The following TCF12 variants were observed in gnomAD, a reference collection of about 807,000 sequenced individuals.
The protein encoded by TCF12 is transcription factor 12, also known as DNA-binding protein HTF4.
TCF12 carries 45 observed loss-of-function variants against 86.0 expected under a neutral mutation model. The ratio of observed to expected loss-of-function variants is 0.52; its 90% CI spans 0.41 to 0.67. The LOEUF (loss-of-function observed/expected upper bound fraction) is 0.67, where lower values mean the gene tolerates loss of function less well. Among genes scored for constraint, TCF12 ranks in the 30% least tolerant of loss-of-function variants. The pLI is 0.00. For synonymous variants in TCF12, 330 were observed against 299.6 expected (o/e 1.10, Z -1.05); for missense variants, 881 against 859.9 (o/e 1.02, Z -0.31).
intron 3 of TCF12, among the ~76,000 whole-genome samples, chr15:56,987,050 A>G (rs1642940): frequency 0.18 from 27,461 of 152,050 alleles, 3,008 homozygotes; most frequent in Non-Finnish European, 0.24. Flanking sequence ...CAATACTTGA[A>G]TTTTGATATC....
chr15:57,240,601 G>T (rs1213420035), intron 12 of TCF12, among the ~76,000 whole-genome samples: 2 of 152,132 alleles, frequency 1.3e-5, no homozygotes, highest in South Asian at 4.1e-4. Context: ...TATGTTGAGG[G>T]CCGGGTTCAA....
At chr15:56,998,722 C>G (rs553460296) in intron 3 of TCF12, among the ~76,000 whole-genome samples, 1 of 152,224 alleles carries the variant, frequency 6.6e-6, no homozygotes, top group East Asian at 1.9e-4. Context: ...CTTTACCCAA[C>G]AGCAGCAGAA....
intron 13 of TCF12, 24 bp downstream of exon 13, chr15:57,243,574 C>T: frequency 6.4e-7 from 1 of 1,568,876 alleles, no homozygotes; most frequent in Non-Finnish European, 8.8e-7. Context: ...TTATCTACTT[C>T]TAACTGGTGG....
chr15:57,202,597 G>A (rs1303028697), intron 8 of TCF12, among the ~76,000 whole-genome samples: 1 of 151,794 alleles, frequency 6.6e-6, no homozygotes, highest in African/African-American at 2.4e-5. Flanking sequence ...CACCACACCC[G>A]GCTAATTTTT....
intron 13 of TCF12, among the ~76,000 whole-genome samples, chr15:57,243,884 G>T (rs577799630): frequency 1.3e-5 from 2 of 152,116 alleles, no homozygotes; most frequent in African/African-American, 4.8e-5. Flanking sequence ...TTTTTCTAAA[G>T]TTATTTTTTT....
chr15:57,224,684 A>C lies in TCF12; in HGVS notation c.580-6468A>C, dbSNP rs368515444. Reference sequence around the variant, plus strand: ...CATGTCTCTGGAAGTTTTTGGAAAGAGATATTGGTCCTTTTACTTAGGAAA... The same window carrying C: ...CATGTCTCTGGAAGTTTTTGGAAAGCGATATTGGTCCTTTTACTTAGGAAA... On this transcript the variant is annotated intron_variant, in intron 8 of 20. Coordinates refer to ENST00000333725, the MANE Select transcript of TCF12 (RefSeq NM_207037.2). 2.6e-5 allele frequency among the ~76,000 whole-genome samples: 4 copies of C among 152,230 alleles called. No individual in the cohort carries two copies. In the South Asian group the frequency reaches 8.3e-4, roughly 32 times the overall value.
chr15:56,986,042 G>T (rs1298328457), intron 3 of TCF12, among the ~76,000 whole-genome samples: 1 of 152,078 alleles, frequency 6.6e-6, no homozygotes, highest in Non-Finnish European at 1.5e-5. Context: ...TGCTATAGAT[G>T]ACTACAATTT....
At chr15:57,120,929 C>T (rs1423334594) in intron 5 of TCF12, among the ~76,000 whole-genome samples, 1 of 152,014 alleles carries the variant, frequency 6.6e-6, no homozygotes, top group Non-Finnish European at 1.5e-5. Flanking sequence ...TATAGTGAGC[C>T]ATGATTGCAC....
rs2070463882 is a variant in TCF12 at position 57,079,722 on chromosome 15, A to AT, written c.223-12061dup. ...GAGAAGGAAATGCCTTTACTTACTG[A>AT]TTTTTTCAGTGAAAGGAGACTGACA... On this transcript the variant is annotated intron_variant, in intron 4 of 20. Coordinates refer to ENST00000333725, the MANE Select transcript of TCF12 (RefSeq NM_207037.2). Among the ~76,000 whole-genome samples, 4 of 152,068 alleles carry AT rather than the reference A, an allele frequency of 2.6e-5. No homozygotes were observed. The South Asian group carries it at 8.3e-4, about 32-fold the overall frequency.
At chr15:57,280,839 A>G (rs886979532) in intron 19 of TCF12, among the ~76,000 whole-genome samples, 13 of 152,238 alleles carry the variant, frequency 8.5e-5, no homozygotes, top group Admixed American at 2.0e-4. Context: ...TTCATTCTAG[A>G]CTAATTACAA....
rs184670141 is a variant in TCF12, at chr15:57,093,146, A to G, written c.325+1255A>G. Among the ~76,000 whole-genome samples, 553 of 152,330 alleles carry G rather than the reference A, an allele frequency of 3.6e-3. 5 individuals carry two copies. Among genetic ancestry groups the G allele is most frequent in the African/African-American group, 0.013 (526 of 41,566 alleles). ...CAGCGTAAATAAATGCACATAGAAA[A>G]TCATGGTATTATATGTATTATCATT... On this transcript the variant is annotated intron_variant, in intron 5 of 20. Transcript: ENST00000333725.
At chr15:57,261,995 A>G (rs2060609142) in intron 16 of TCF12, 99 bp from the exon 17 acceptor site, 1 of 695,710 alleles carries the variant, frequency 1.4e-6, no homozygotes, top group African/African-American at 1.8e-5. Context: ...CAGATGAGTG[A>G]CACTGTTTTC....
chr15:57,173,687 A>G (rs1005833565), intron 6 of TCF12, among the ~76,000 whole-genome samples: 4 of 152,002 alleles, frequency 2.6e-5, no homozygotes, highest in Non-Finnish European at 5.9e-5. Flanking sequence ...TTGAAACAAA[A>G]TCTGAATCCA....
intron 3 of TCF12, among the ~76,000 whole-genome samples, chr15:56,988,178 T>C (rs1435576228): frequency 6.6e-6 from 1 of 152,198 alleles, no homozygotes; most frequent in Non-Finnish European, 1.5e-5. Flanking sequence ...TCAGTAAAAA[T>C]ATAGTCATGT....
chr15:57,039,795 C>G (rs572867793), intron 3 of TCF12, among the ~76,000 whole-genome samples: 56 of 152,240 alleles, frequency 3.7e-4, no homozygotes, highest in African/African-American at 1.3e-3. Context: ...TCTGGACCTC[C>G]TAAAGGACAA....
At chr15:57,066,140 T>C (rs2068855901) in intron 4 of TCF12, among the ~76,000 whole-genome samples, 1 of 152,176 alleles carries the variant, frequency 6.6e-6, no homozygotes, top group Admixed American at 6.5e-5. Context: ...TTTATGGTTG[T>C]CTTTGAAGCC....
intron 16 of TCF12, among the ~76,000 whole-genome samples, chr15:57,258,011 G>A (rs1358650269): frequency 1.3e-5 from 2 of 152,086 alleles, no homozygotes; most frequent in Non-Finnish European, 2.9e-5. Context: ...AAGGAATCAT[G>A]AATTTTAGCA....
intron 3 of TCF12, among the ~76,000 whole-genome samples, chr15:56,982,547 A>G (rs1428770639): frequency 1.3e-5 from 2 of 152,210 alleles, no homozygotes; most frequent in Admixed American, 6.5e-5. Context: ...GTTTTCAGAC[A>G]AATTTGCAGA....
intron 3 of TCF12, among the ~76,000 whole-genome samples, chr15:57,046,858 G>A (rs1486944246): frequency 6.6e-6 from 1 of 152,148 alleles, no homozygotes; most frequent in African/African-American, 2.4e-5. Flanking sequence ...GGCACACCAA[G>A]GGAGAAACAG....
Sources: allele counts gnomAD v4.1 joint callset (sites outside exome capture counted in the v4.1 genomes callset), GRCh38; gene constraint gnomAD v4.1.1; transcripts MANE v1.5; gene names NCBI Gene and HGNC (gene_info 2026-07-23, HGNC 2026-07-21).